IRF7: variants seen among roughly 807,000 people sequenced by gnomAD.
IRF7 encodes the protein interferon regulatory factor 7.
In IRF7, 67 loss-of-function variants were observed where a neutral mutation model predicts 51.3. That is an observed-to-expected ratio of 1.31 (90% CI 1.07 to 1.60). The LOEUF is 1.60. Among genes scored for constraint, IRF7 ranks in the 40% most tolerant of loss-of-function variants. The probability of loss-of-function intolerance (pLI) is 0.00; values close to 1 mark genes in which losing one functional copy is unlikely to be tolerated. For synonymous variants in IRF7, 427 were observed against 301.3 expected (o/e 1.42, Z -4.32); for missense variants, 873 against 701.5 (o/e 1.24, Z -2.76).
At position 614,212 on chromosome 11, in the gene IRF7, C is replaced by G; in HGVS notation, c.641G>C (p.Gly214Ala). Reference sequence around the variant, plus strand: ...CCCAGTCAGGGGAAGCCCTTCTTGTCCCTCTCCAGGAGCCTTGGTTGGGAC... The same window carrying G: ...CCCAGTCAGGGGAAGCCCTTCTTGTGCCTCTCCAGGAGCCTTGGTTGGGAC... ...DPVPTKAPGE[G>A]QEGLPLTGAC... Residue 214 changes from glycine (G) to alanine (A), a missense_variant, in exon 6 of 11, where the codon GGA becomes GCA. Transcript: ENST00000525445. The G allele has an allele frequency of 6.2e-7, 1 of 1,613,050 alleles. No individual in the cohort carries two copies. Among genetic ancestry groups the G allele is most frequent in the Non-Finnish European group, 8.5e-7 (1 of 1,179,934 alleles).
rs1856797367 is a variant in IRF7, at chr11:615,573, G to A, written c.-209C>T. The A allele has an allele frequency of 2.5e-5, 13 of 510,456 alleles. 1 individual carries two copies. In the South Asian group the frequency reaches 4.7e-4, roughly 19 times the overall value. 31.6% of individuals were successfully genotyped at this position (510,456 alleles called of 1,614,324 possible). A position where few individuals can be genotyped will look rare whatever the true frequency, so the allele number is the denominator to read the frequency against. On this transcript the variant is annotated 5_prime_UTR_variant, in exon 2 of 11. Transcript: ENST00000525445. ...GGGGGCTACAGGTGTGACTGCAGGT[G>A]TGGCCGGCGCGCACACATGAAGTCA...
Position 614,272 on chromosome 11 carries a change from T to G in IRF7, c.581A>C (p.Asp194Ala). The G allele has an allele frequency of 1.2e-6, 2 of 1,612,536 alleles. No individual in the cohort carries two copies. The highest frequency in any genetic ancestry group is 8.5e-7 in the Non-Finnish European group (1 of 1,179,726). ...CCCCCATGACGCTGTCAGCAGATGG[T>G]CTGCCAGGCAGCTCTGTTGCACTGC... is the stretch of plus-strand genomic sequence containing the variant. ...LQAVQQSCLA[D>A]HLLTASWGAD... Residue 194 changes from aspartate to alanine, a missense_variant, in exon 6 of 11, where the codon GAC (aspartate) becomes GCC (alanine). Physicochemically the swap from Asp to Ala is moderately radical, Grantham distance 126 (BLOSUM62 -2). Transcript: ENST00000525445.
chr11:614,772 GC>G (rs988419227), intron 4 of IRF7, 24 bp downstream of exon 4: 1 of 1,523,422 alleles, frequency 6.6e-7, no homozygotes, highest in African/African-American at 1.4e-5. Flanking sequence ...GAATGCCAAC[GC>G]CCTTGGCAGC....
chr11:615,200 TAGC>T lies in IRF7; in HGVS notation c.77_79del (p.Cys26del), dbSNP rs1475295564. 8 of 1,601,346 alleles carry T rather than the reference TAGC, an allele frequency of 5.0e-6. No homozygotes were observed. Among genetic ancestry groups the T allele is most frequent in the Admixed American group, 3.4e-5 (2 of 59,500 alleles). ...CTCGTCCAGCCACTGCAGCCCCTCA[TAGC>T]AGCCGCTGCTGATCTCTCCAAGGAG... On this transcript the variant is annotated inframe_deletion, in exon 3 of 11. Coordinates refer to ENST00000525445, the MANE Select transcript of IRF7 (RefSeq NM_001572.5).
rs1192834565 is a variant in IRF7, at chr11:614,463, G to A, written c.453+13C>T. The A allele has an allele frequency of 5.7e-6, 9 of 1,569,692 alleles. No homozygotes were observed. The highest frequency in any genetic ancestry group is 6.9e-6 in the Non-Finnish European group (8 of 1,157,096). ...GGCCTGGCAGGAGGAGAGGCAGGCA[G>A]AGAGAAGGGTACCTGTGGTGGTGGG... On this transcript the variant is annotated intron_variant, in intron 5 of 10. Coordinates refer to ENST00000525445, the MANE Select transcript of IRF7 (RefSeq NM_001572.5).
Position 615,126 on chromosome 11 carries a change from G to T in IRF7, c.154C>A (p.Leu52Met), listed in dbSNP as rs1180965387. ...VPWKHFARKDLSEADARIFKA... is the reference protein window; with the variant it reads ...VPWKHFARKDMSEADARIFKA... ...AAGATGCGCGCGTCGGCCTCGCTCA[G>T]GTCCTTGCGCGCGAAGTGCTTCCAG... The change falls in exon 3 of 11, where the codon CTG (leucine) becomes ATG (methionine). Residue 52 changes from leucine to methionine, a missense_variant. Coordinates refer to ENST00000525445, the MANE Select transcript of IRF7 (RefSeq NM_001572.5). 6.2e-7 allele frequency: 1 copy of T among 1,600,672 alleles called. No homozygotes were observed. Among genetic ancestry groups the T allele is most frequent in the Non-Finnish European group, 8.5e-7 (1 of 1,178,412 alleles).
At chr11:613,904 C>G (rs368506935) in intron 7 of IRF7, 39 bp from the exon 8 acceptor site, 2 of 1,598,952 alleles carry the variant, frequency 1.3e-6, no homozygotes, top group Non-Finnish European at 1.7e-6. Flanking sequence ...CACCTCATCC[C>G]TAGCCTCTCC....
rs760049350 is a variant in IRF7 at position 614,989 on chromosome 11, C to T, written c.202G>A (p.Gly68Ser). Residue 68 changes from glycine to serine, a missense_variant, in exon 4 of 11, where the codon GGC becomes AGC. Physicochemically the swap from Gly to Ser is moderately conservative, Grantham distance 56 (BLOSUM62 0). Coordinates refer to ENST00000525445, the MANE Select transcript of IRF7 (RefSeq NM_001572.5). ...RIFKAWAVAR[G>S]RWPPSSRGGG... ...CCCCTGCTGCTAGGCGGCCACCTGC[C>T]GCGGGCCACAGCCCAGGCCTGAAGA... 8.4e-6 allele frequency: 13 copies of T among 1,546,528 alleles called. No homozygotes were observed. The highest frequency in any genetic ancestry group is 2.4e-5 in the South Asian group (2 of 82,410).
chr11:615,300 G>A (rs1856779226), intron 2 of IRF7, 41 bp from the exon 3 acceptor site: 9 of 1,571,994 alleles, frequency 5.7e-6, no homozygotes, highest in South Asian at 1.1e-5. Flanking sequence ...CCGGCTGCAG[G>A]GCGCTCGGGG....
In IRF7 at chr11:615,912, C is replaced by A; in HGVS notation, c.-284+1G>T. 1 of 153,844 alleles carries A rather than the reference C, an allele frequency of 6.5e-6. No homozygotes were observed. Among genetic ancestry groups the A allele is most frequent in the Non-Finnish European group, 1.4e-5 (1 of 69,170 alleles). The allele number at this position is 153,844 out of a possible 1,614,324, so 9.5% of individuals were successfully genotyped here. A position where few individuals can be genotyped will look rare whatever the true frequency, so the allele number is the denominator to read the frequency against. On this transcript the variant is annotated splice_donor_variant, in intron 1 of 10. Coordinates refer to ENST00000525445, the MANE Select transcript of IRF7 (RefSeq NM_001572.5). LOFTEE classifies it low-confidence loss of function (5UTR_SPLICE). ...CCGCGTGGGTCTGGGGTCCCCAGTA[C>A]CTGGGTGCCAGAGCCGCCGGGACGG...
chr11:614,155 T>G lies in IRF7; in HGVS notation c.679+19A>C. ...ACTGGCCCCTCCCGCGCTCCCCCCC[T>G]CCCCGGGCACGCCCACACCTCCAGC... On this transcript the variant is annotated intron_variant, in intron 6 of 10. Transcript: ENST00000525445. 6.8e-7 allele frequency: 1 copy of G among 1,462,284 alleles called. No individual in the cohort carries two copies. Among genetic ancestry groups the G allele is most frequent in the Non-Finnish European group, 9.5e-7 (1 of 1,051,922 alleles). The allele number at this position is 1,462,284 out of a possible 1,614,324, so 90.6% of individuals were successfully genotyped here.
chr11:613,942 C>T lies in IRF7; in HGVS notation c.766+9G>A, dbSNP rs551637997. ...GTGCCCCAGGCCTCCCAACCCCTAC[C>T]CCTCTCACCTGTCGTTAGTGCCGCG... On this transcript the variant is annotated intron_variant, in intron 7 of 10. Transcript: ENST00000525445. 38 of 1,605,260 alleles carry T rather than the reference C, an allele frequency of 2.4e-5. No individual in the cohort carries two copies. The highest frequency in any genetic ancestry group is 1.3e-4 in the African/African-American group (10 of 74,556).
intron 6 of IRF7, 59 bp from the exon 7 acceptor site, chr11:614,096 C>CG (rs1452340164): frequency 6.3e-6 from 10 of 1,578,832 alleles, no homozygotes; most frequent in Admixed American, 1.8e-5. Context: ...GCTCCCCAAT[C>CG]CCCAGCCCCC....
chr11:612,813 A>T lies in IRF7; in HGVS notation c.1357-13T>A. Reference sequence around the variant, plus strand: ...GCCAGGGTTCCAGCTGCCAGGAGGGATCGGGCGTCTGTCAGTGACCCGGCG... The same window carrying T: ...GCCAGGGTTCCAGCTGCCAGGAGGGTTCGGGCGTCTGTCAGTGACCCGGCG... On this transcript the variant is annotated splice_polypyrimidine_tract_variant and intron_variant, in intron 10 of 10. Coordinates refer to ENST00000525445, the MANE Select transcript of IRF7 (RefSeq NM_001572.5). The T allele has an allele frequency of 6.3e-7, 1 of 1,598,106 alleles. No homozygotes were observed. Among genetic ancestry groups the T allele is most frequent in the South Asian group, 1.1e-5 (1 of 90,604 alleles).
intron 7 of IRF7, 43 bp from the exon 8 acceptor site, chr11:613,908 C>A (rs528791608): frequency 6.3e-7 from 1 of 1,599,818 alleles, no homozygotes; most frequent in African/African-American, 1.3e-5. Flanking sequence ...TCATCCCTAG[C>A]CTCTCCCTGT....
intron 8 of IRF7, 55 bp from the exon 9 acceptor site, chr11:613,650 GAC>G (rs1856592090): frequency 1.1e-6 from 1 of 906,384 alleles, no homozygotes; most frequent in Non-Finnish European, 1.5e-6. Context: ...GGCTGTGAGT[GAC>G]GGGGGTGGGC....
chr11:614,620 G>T, intron 4 of IRF7, 86 bp from the exon 5 acceptor site: 2 of 1,495,666 alleles, frequency 1.3e-6, no homozygotes, highest in Non-Finnish European at 1.8e-6. Flanking sequence ...CCAGCTTCCT[G>T]GCTGTGAACC....
rs1464171681 is a variant in IRF7 at position 614,650 on chromosome 11, A to T, written c.395-116T>A. On this transcript the variant is annotated intron_variant, in intron 4 of 10. Coordinates refer to ENST00000525445, the MANE Select transcript of IRF7 (RefSeq NM_001572.5). ...TGAACCCTTAGGCTGTGGCCTGAGG[A>T]GGTGGGGATGTGGCTCTCCACCTGT... 4 of 1,400,660 alleles carry T rather than the reference A, an allele frequency of 2.9e-6. No homozygotes were observed. In the East Asian group the frequency reaches 7.5e-5, roughly 26 times the overall value. The allele number at this position is 1,400,660 out of a possible 1,614,324, so 86.8% of individuals were successfully genotyped here.
rs767381892 is a variant in IRF7, at chr11:613,110, C to T, written c.1245G>A (p.Val415=). 9.3e-6 allele frequency: 15 copies of T among 1,612,824 alleles called. No homozygotes were observed. Among genetic ancestry groups the T allele is most frequent in the African/African-American group, 1.3e-5 (1 of 74,924 alleles). The part of the protein sequence containing the change: ...FDFRVFFQEL[V]EFRARQRRGS... Reference sequence around the variant, plus strand: ...CACGGCGCTGCCGTGCCCGGAATTCCACCAGCTCTGAAGAAGGGGACTCTG... The same window carrying T: ...CACGGCGCTGCCGTGCCCGGAATTCTACCAGCTCTGAAGAAGGGGACTCTG... The change falls in exon 10 of 11, where the codon GTG becomes GTA. Residue 415 remains valine (V), a synonymous_variant. Transcript: ENST00000525445.
Sources: gnomAD v4.1 joint callset for allele counts on GRCh38, gnomAD v4.1.1 for gene constraint, MANE v1.5 for transcripts, NCBI Gene and HGNC (gene_info 2026-07-23, HGNC 2026-07-21) for gene names.